NBEA: variants seen among roughly 807,000 people sequenced by gnomAD.
NBEA encodes lysosomal-trafficking regulator 2.
NBEA carries 44 observed loss-of-function variants against 343.4 expected under a neutral mutation model. The observed-to-expected ratio is 0.13, with a 90% confidence interval of 0.10 to 0.16. The LOEUF (loss-of-function observed/expected upper bound fraction) is 0.16. Ranked by LOEUF, NBEA falls within the 10% of genes least tolerant of loss-of-function variation. The pLI, the probability that NBEA is intolerant of heterozygous loss-of-function variation, is 1.00. For synonymous variants in NBEA, 1,175 were observed against 1,238.7 expected (o/e 0.95, Z 1.08); for missense variants, 2,555 against 3,631.3 (o/e 0.70, Z 7.62).
At chr13:35,639,766 G>A (rs1467465139) in intron 49 of NBEA, among the ~76,000 whole-genome samples, 1 of 151,834 alleles carries the variant, frequency 6.6e-6, no homozygotes. Flanking sequence ...TTGCATTGTG[G>A]GTACCATAAC....
chr13:35,083,619 G>A lies in NBEA; in HGVS notation c.1571+12767G>A, dbSNP rs113342703. On this transcript the variant is annotated intron_variant, in intron 10 of 58. Coordinates refer to ENST00000379939, the MANE Select transcript of NBEA (RefSeq NM_001385012.1). ...AGCTCCTGAAGGAAGCACTCAACAT[G>A]GAAAGGAACAACTGGTACCAGCCAC... 1.2e-3 allele frequency among the ~76,000 whole-genome samples: 179 copies of A among 152,074 alleles called. 1 individual carries two copies. Among genetic ancestry groups the A allele is most frequent in the African/African-American group, 4.0e-3 (167 of 41,468 alleles).
intron 35 of NBEA, among the ~76,000 whole-genome samples, chr13:35,299,685 G>C (rs1247009704): frequency 6.6e-6 from 1 of 152,104 alleles, no homozygotes; most frequent in African/African-American, 2.4e-5. Context: ...ATAAAAGGTT[G>C]TTCATTTATT....
intron 11 of NBEA, among the ~76,000 whole-genome samples, chr13:35,106,779 T>A (rs920470996): frequency 6.6e-6 from 1 of 151,766 alleles, no homozygotes; most frequent in South Asian, 2.1e-4. Context: ...CTTTTTTTTT[T>A]AAAGTAATGT....
intron 38 of NBEA, among the ~76,000 whole-genome samples, chr13:35,403,146 G>A (rs1390177596): frequency 1.3e-5 from 2 of 151,634 alleles, no homozygotes; most frequent in African/African-American, 4.8e-5. Flanking sequence ...TGAAAAAACT[G>A]TGAGACAGCA....
intron 31 of NBEA, among the ~76,000 whole-genome samples, chr13:35,197,143 G>A (rs943670558): frequency 1.3e-5 from 2 of 152,114 alleles, no homozygotes; most frequent in South Asian, 2.1e-4. Flanking sequence ...ACTAACAGTA[G>A]TACTTAACAT....
intron 49 of NBEA, among the ~76,000 whole-genome samples, chr13:35,642,586 A>G (rs548384363): frequency 2.6e-5 from 4 of 152,220 alleles, no homozygotes; most frequent in Non-Finnish European, 5.9e-5. Flanking sequence ...CAAGCCCCAA[A>G]GCATATAAGA....
rs1392405930 is a variant in NBEA at position 35,352,224 on chromosome 13, C to T, written c.6080C>T (p.Ala2027Val). The T allele has an allele frequency of 6.4e-7, 1 of 1,569,400 alleles. No homozygotes were observed. ...EEKMCDHLIS[A>V]AKHRDHVTAN... ...AAGATGTGTGACCATCTTATCAGTG[C>T]TGCTAAACATCGAGATCATGTAACA... Residue 2027 changes from alanine to valine, a missense_variant, in exon 38 of 59, where the codon GCT becomes GTT. This residue lies in a region of NBEA where 246 missense variants were observed against 313.7 expected (regional missense o/e 0.78). Coordinates refer to ENST00000379939, the MANE Select transcript of NBEA (RefSeq NM_001385012.1).
intron 30 of NBEA, among the ~76,000 whole-genome samples, chr13:35,192,716 A>G (rs2072288754): frequency 6.6e-6 from 1 of 151,986 alleles, no homozygotes; most frequent in Admixed American, 6.6e-5. Context: ...TGTAAGTCAA[A>G]TAGTTGAGCA....
intron 10 of NBEA, among the ~76,000 whole-genome samples, chr13:35,083,074 C>T (rs1191217495): frequency 1.3e-5 from 2 of 152,134 alleles, no homozygotes; most frequent in East Asian, 1.9e-4. Context: ...AGTCTTTAAT[C>T]CATCTTGAAT....
chr13:35,183,915 T>A, intron 29 of NBEA, 61 bp from the exon 30 acceptor site: 1 of 1,200,436 alleles, frequency 8.3e-7, no homozygotes. Context: ...GGATCTTCAG[T>A]GGACCATGTG....
intron 16 of NBEA, among the ~76,000 whole-genome samples, chr13:35,120,669 C>A (rs371791380): frequency 2.6e-4 from 33 of 129,332 alleles, no homozygotes; most frequent in African/African-American, 1.0e-3. Context: ...GCTAATTGGG[C>A]TTAAGGAAGC....
rs2066618150 is a variant in NBEA at position 35,118,462 on chromosome 13, G to T, written c.2231G>T (p.Arg744Ile). ...TCAATGATACCAGCATTTGATCAAA[G>T]AAATGGAATAAGGTATGATTATAAT... is the stretch of plus-strand genomic sequence containing the variant. ...PASMIPAFDQ[R>I]NGIRVIYKLL... The change falls in exon 16 of 59, where the codon AGA becomes ATA. Residue 744 changes from arginine (R) to isoleucine (I), a missense_variant. Arg to Ile is a moderately conservative substitution (Grantham distance 97, BLOSUM62 -3). Around this residue, in one of 21 missense-constraint regions of NBEA, gnomAD observed 360 missense variants for 519.1 expected, o/e 0.69. Coordinates refer to ENST00000379939, the MANE Select transcript of NBEA (RefSeq NM_001385012.1). 5 of 1,597,252 alleles carry T rather than the reference G, an allele frequency of 3.1e-6. No individual in the cohort carries two copies. Among genetic ancestry groups the T allele is most frequent in the African/African-American group, 1.3e-5 (1 of 74,570 alleles).
chr13:35,645,748 A>G (rs911985169), intron 49 of NBEA, 121 bp from the exon 50 acceptor site: 5 of 488,620 alleles, frequency 1.0e-5, no homozygotes, highest in East Asian at 3.4e-5. Context: ...TAATAATTCT[A>G]TAAAATCTTG....
chr13:35,527,467 G>T (rs1259630777), intron 41 of NBEA, among the ~76,000 whole-genome samples: 2 of 152,116 alleles, frequency 1.3e-5, no homozygotes, highest in African/African-American at 4.8e-5. Context: ...ATGCTGAGAG[G>T]TGCCTGCAGG....
intron 56 of NBEA, among the ~76,000 whole-genome samples, chr13:35,666,201 T>G (rs1241408040): frequency 6.6e-6 from 1 of 152,068 alleles, no homozygotes; most frequent in Admixed American, 6.6e-5. Context: ...TTGAAGTTTT[T>G]TAATCGAGGT....
chr13:34,980,140 T>C (rs2060309271), intron 1 of NBEA, among the ~76,000 whole-genome samples: 1 of 152,156 alleles, frequency 6.6e-6, no homozygotes, highest in Non-Finnish European at 1.5e-5. Context: ...GTTTAAGTTT[T>C]CCAATTTGTT....
intron 1 of NBEA, among the ~76,000 whole-genome samples, chr13:35,014,921 C>G (rs762232163): frequency 1.3e-5 from 2 of 151,868 alleles, no homozygotes; most frequent in Non-Finnish European, 2.9e-5. Flanking sequence ...TCAGGCTCAT[C>G]TGCAAGAAGA....
chr13:35,072,570 A>G (rs1181958504), intron 10 of NBEA, among the ~76,000 whole-genome samples: 1 of 151,316 alleles, frequency 6.6e-6, no homozygotes, highest in African/African-American at 2.4e-5. Flanking sequence ...TTGTTTATTT[A>G]TTTATTTGAG....
chr13:35,587,016 TA>T (rs2081319728), intron 46 of NBEA, among the ~76,000 whole-genome samples: 1 of 151,970 alleles, frequency 6.6e-6, no homozygotes, highest in South Asian at 2.1e-4. Flanking sequence ...CAGACAAGAA[TA>T]CAAAAAAACT....
Sources: gnomAD v4.1 joint callset for allele counts (sites outside exome capture counted in the v4.1 genomes callset) on GRCh38, gnomAD v4.1.1 for gene constraint, gnomAD v4.1.1 regional missense constraint, MANE v1.5 for transcripts, NCBI Gene and HGNC (gene_info 2026-07-23, HGNC 2026-07-21) for gene names.